The following ARHGAP22 variants were observed in gnomAD, a reference collection of about 807,000 sequenced individuals.
The protein encoded by ARHGAP22 is rho GTPase-activating protein 22.
Under a neutral mutation model 59.1 loss-of-function variants are expected in ARHGAP22, and 48 were observed. The ratio of observed to expected loss-of-function variants is 0.81; its 90% CI spans 0.64 to 1.03. The LOEUF is 1.03. ARHGAP22 is among the 50% of genes least tolerant of loss of function. The probability of loss-of-function intolerance (pLI) is 0.00; values close to 1 mark genes in which losing one functional copy is unlikely to be tolerated. For missense variants in ARHGAP22, 1,015 were observed against 958.7 expected, an observed-to-expected ratio of 1.06 and a Z score of -0.78; for synonymous variants, 445 against 416.4, an observed-to-expected ratio of 1.07 and a Z score of -0.84.
intron 2 of ARHGAP22, among the ~76,000 whole-genome samples, chr10:48,559,237 C>A (rs2057524069): frequency 6.6e-6 from 1 of 152,182 alleles, no homozygotes; most frequent in South Asian, 2.1e-4. Flanking sequence ...TGCAGACGGG[C>A]ACCTAGGTAC....
chr10:48,603,952 C>T (rs1052327341), intron 1 of ARHGAP22, among the ~76,000 whole-genome samples: 1 of 152,242 alleles, frequency 6.6e-6, no homozygotes, highest in African/African-American at 2.4e-5. Context: ...TCCTCCACTT[C>T]ATTGTTTACA....
chr10:48,472,855 G>A (rs1257945578), intron 4 of ARHGAP22, among the ~76,000 whole-genome samples: 1 of 152,148 alleles, frequency 6.6e-6, no homozygotes, highest in Non-Finnish European at 1.5e-5. Flanking sequence ...AAGTGCTGGT[G>A]AGGATGTAGA....
downstream of ARHGAP22, chr10:48,444,769 C>T (rs914008059): frequency 1.3e-5 from 2 of 152,272 alleles, no homozygotes; most frequent in Admixed American, 6.5e-5. Context: ...GCCTCCGTTT[C>T]TCCTCTGAAT....
chr10:48,608,967 C>G (rs900578431), upstream of ARHGAP22, among the ~76,000 whole-genome samples: 1 of 152,142 alleles, frequency 6.6e-6, no homozygotes, highest in Non-Finnish European at 1.5e-5. Context: ...ATAATATATA[C>G]TGGGTTGCTG....
intron 3 of ARHGAP22, among the ~76,000 whole-genome samples, chr10:48,542,539 C>T (rs1434054648): frequency 6.6e-6 from 1 of 152,188 alleles, no homozygotes; most frequent in Non-Finnish European, 1.5e-5. Context: ...TCCTGGCTCC[C>T]TCCTGCCTCC....
chr10:48,591,886 AAAC>A lies in ARHGAP22; in HGVS notation c.35-8737_35-8735del, dbSNP rs760945416. On this transcript the variant is annotated intron_variant, in intron 1 of 9. Transcript: ENST00000249601. ...AAGACCCTGTCTAAAAAAAACCCCA[AAAC>A]AACAACAACAACAACAAAACATGCA... Among the ~76,000 whole-genome samples, 197 of 151,922 alleles carry A rather than the reference AAAC, an allele frequency of 1.3e-3. 1 individual carries two copies. Among genetic ancestry groups the A allele is most frequent in the African/African-American group, 4.6e-3 (191 of 41,360 alleles).
intron 1 of ARHGAP22, among the ~76,000 whole-genome samples, chr10:48,634,940 T>C (rs940979453): frequency 2.0e-5 from 3 of 152,154 alleles, no homozygotes; most frequent in African/African-American, 7.2e-5. Flanking sequence ...AGGTGATATT[T>C]ACAAGCCAAG....
intron 3 of ARHGAP22, among the ~76,000 whole-genome samples, chr10:48,509,657 C>A (rs1359654655): frequency 6.6e-6 from 1 of 152,094 alleles, no homozygotes; most frequent in Non-Finnish European, 1.5e-5. Context: ...ACTCGCTGGG[C>A]CCTCCCCGCA....
chr10:48,651,221 G>A (rs1013287548), intron 1 of ARHGAP22, among the ~76,000 whole-genome samples: 5 of 152,106 alleles, frequency 3.3e-5, no homozygotes, highest in Non-Finnish European at 7.4e-5. Context: ...TGGAGGTTGA[G>A]GTCCATGACT....
At chr10:48,522,940 G>A (rs943162731) in intron 3 of ARHGAP22, among the ~76,000 whole-genome samples, 10 of 152,108 alleles carry the variant, frequency 6.6e-5, no homozygotes, top group African/African-American at 2.2e-4. Context: ...GTAAATGTGG[G>A]GTCCTGTTTA....
intron 4 of ARHGAP22, among the ~76,000 whole-genome samples, chr10:48,468,782 C>G (rs2133929675): frequency 1.3e-5 from 2 of 152,308 alleles, no homozygotes; most frequent in Non-Finnish European, 2.9e-5. Flanking sequence ...GATCCCTAGT[C>G]CTGGCCCTGA....
At chr10:48,564,313 C>G (rs189669965) in intron 2 of ARHGAP22, among the ~76,000 whole-genome samples, 87 of 152,190 alleles carry the variant, frequency 5.7e-4, no homozygotes, top group African/African-American at 2.0e-3. Flanking sequence ...AAGGCCATAC[C>G]AGAATGAGGT....
intron 2 of ARHGAP22, chr10:48,574,797 A>G (rs2058608742): frequency 6.6e-6 from 1 of 152,176 alleles, no homozygotes; most frequent in East Asian, 1.9e-4. Flanking sequence ...GAGAGTGAGT[A>G]CCTGTTAGTC....
In ARHGAP22 at chr10:48,636,676, G is replaced by A. The variant is rs566037722; in HGVS notation, c.52+15558C>T. 3.7e-4 allele frequency among the ~76,000 whole-genome samples: 57 copies of A among 152,330 alleles called. 1 individual carries two copies. Among genetic ancestry groups the A allele is most frequent in the African/African-American group, 1.1e-3 (46 of 41,578 alleles). On this transcript the variant is annotated intron_variant, in intron 1 of 9. Coordinates refer to the ARHGAP22 transcript ENST00000435790. ...TTAGAGCCATGACTGCTGGCAAACA[G>A]TACCAGCTCAAGACCCATGGCTATA...
chr10:48,495,801 G>C (rs1174492386), intron 3 of ARHGAP22, among the ~76,000 whole-genome samples: 2 of 152,238 alleles, frequency 1.3e-5, no homozygotes, highest in African/African-American at 4.8e-5. Context: ...TCCCTCGCTT[G>C]TTCTCTGGCT....
intron 1 of ARHGAP22, among the ~76,000 whole-genome samples, chr10:48,616,286 A>G (rs1233170117): frequency 2.6e-5 from 4 of 152,282 alleles, no homozygotes; most frequent in Admixed American, 2.6e-4. Flanking sequence ...GCACCGGGAA[A>G]CCAAACATAT....
chr10:48,495,596 C>T (rs1435524774), intron 3 of ARHGAP22, among the ~76,000 whole-genome samples: 1 of 151,784 alleles, frequency 6.6e-6, no homozygotes, highest in East Asian at 1.9e-4. Flanking sequence ...GCTCCAGGCT[C>T]CATCCCTTGG....
chr10:48,471,138 C>G (rs1460965380), intron 4 of ARHGAP22, among the ~76,000 whole-genome samples: 1 of 152,170 alleles, frequency 6.6e-6, no homozygotes, highest in African/African-American at 2.4e-5. Context: ...TCCAGAGGAA[C>G]CCAAGGGCAG....
intron 2 of ARHGAP22, among the ~76,000 whole-genome samples, chr10:48,573,479 C>A (rs773212669): frequency 1.1e-4 from 17 of 152,180 alleles, no homozygotes; most frequent in Admixed American, 3.9e-4. Context: ...GGCAGACTTA[C>A]CACCCACGAG....
Sources: allele counts gnomAD v4.1 joint callset (sites outside exome capture counted in the v4.1 genomes callset), GRCh38; gene constraint gnomAD v4.1.1; transcripts MANE v1.5; gene names NCBI Gene and HGNC (gene_info 2026-07-23, HGNC 2026-07-21).